Variants in COMMD10 observed in about 807,000 individuals in gnomAD.
COMMD10 encodes the protein COMM domain-containing protein 10.
Under a neutral mutation model 28.9 loss-of-function variants are expected in COMMD10, and 33 were observed. The ratio of observed to expected loss-of-function variants is 1.14; its 90% CI spans 0.87 to 1.53. The LOEUF (loss-of-function observed/expected upper bound fraction) is 1.53. Ranked by LOEUF, COMMD10 falls within the 40% of genes most tolerant of loss-of-function variation. The pLI, the probability that COMMD10 is intolerant of heterozygous loss-of-function variation, is 0.00. For missense variants in COMMD10, 310 were observed against 233.4 expected, an observed-to-expected ratio of 1.33 and a Z score of -2.14; for synonymous variants, 110 against 81.7, an observed-to-expected ratio of 1.35 and a Z score of -1.87.
chr5:116,158,164 C>CCCCT (rs1752788672), intron 5 of COMMD10, among the ~76,000 whole-genome samples: 1 of 111,488 alleles, frequency 9.0e-6, no homozygotes, highest in African/African-American at 3.6e-5. Flanking sequence ...CTCCCTCCCT[C>CCCCT]CTCTCCCTCC....
At chr5:116,237,839 A>G (rs1453482106) in intron 5 of COMMD10, among the ~76,000 whole-genome samples, 5 of 152,144 alleles carry the variant, frequency 3.3e-5, no homozygotes, top group African/African-American at 1.2e-4. Flanking sequence ...CTGTACTAAT[A>G]TCATCAACTC....
At chr5:116,263,867 C>T (rs913309279) in intron 5 of COMMD10, among the ~76,000 whole-genome samples, 6 of 151,688 alleles carry the variant, frequency 4.0e-5, no homozygotes, top group Non-Finnish European at 5.9e-5. Flanking sequence ...AAATGTACCC[C>T]GACCACCTTG....
chr5:116,284,322 TTGTATGTGTGTGTGTA>T (rs1418441371), intron 5 of COMMD10, among the ~76,000 whole-genome samples: 2 of 151,338 alleles, frequency 1.3e-5, no homozygotes, highest in Non-Finnish European at 2.9e-5. Flanking sequence ...ATCTAAAGGA[TTGTATGTGTGTGTGTA>T]TGTATGTGTG....
chr5:116,200,831 C>A (rs1580543474), intron 5 of COMMD10, among the ~76,000 whole-genome samples: 1 of 152,096 alleles, frequency 6.6e-6, no homozygotes, highest in South Asian at 2.1e-4. Context: ...GAGCCCTTAG[C>A]ATATTAATCA....
intron 5 of COMMD10, among the ~76,000 whole-genome samples, chr5:116,271,404 C>T (rs916778317): frequency 1.5e-4 from 22 of 149,854 alleles, no homozygotes; most frequent in African/African-American, 5.2e-4. Context: ...GTAAGCATCC[C>T]CAAATAGAAG....
intron 5 of COMMD10, among the ~76,000 whole-genome samples, chr5:116,264,166 C>T (rs909665225): frequency 6.6e-6 from 1 of 151,674 alleles, no homozygotes; most frequent in African/African-American, 2.4e-5. Context: ...TGTATAGGAG[C>T]CATCTGGCTC....
chr5:116,107,894 T>C (rs980089507), intron 4 of COMMD10, among the ~76,000 whole-genome samples: 1 of 152,252 alleles, frequency 6.6e-6, no homozygotes, highest in African/African-American at 2.4e-5. Context: ...TTGATGTTGA[T>C]ACTATTCCTT....
At chr5:116,187,279 A>G (rs1748170671) in intron 5 of COMMD10, among the ~76,000 whole-genome samples, 1 of 152,120 alleles carries the variant, frequency 6.6e-6, no homozygotes, top group African/African-American at 2.4e-5. Context: ...GTTTAGCTAA[A>G]ATGTGTGATA....
At position 116,176,675 on chromosome 5, in the gene COMMD10, G is replaced by A. The variant is rs1396002192; in HGVS notation, c.510+42497G>A. 3.9e-5 allele frequency among the ~76,000 whole-genome samples: 6 copies of A among 151,934 alleles called. No homozygotes were observed. The East Asian group carries it at 7.7e-4, about 20-fold the overall frequency. On this transcript the variant is annotated intron_variant, in intron 5 of 6. Transcript: ENST00000274458. ...TATAAGGTTGTACTCTTAATGGGTG[G>A]CTTACTTTCATTTTCTCATTTAATT...
At chr5:116,166,421 C>G (rs1231631785) in intron 5 of COMMD10, among the ~76,000 whole-genome samples, 1 of 152,070 alleles carries the variant, frequency 6.6e-6, no homozygotes, top group African/African-American at 2.4e-5. Flanking sequence ...TTATTTGCAC[C>G]ATGTAATGCA....
chr5:116,265,935 T>A (rs755393563), intron 5 of COMMD10, among the ~76,000 whole-genome samples: 1 of 151,662 alleles, frequency 6.6e-6, no homozygotes, highest in Non-Finnish European at 1.5e-5. Context: ...TAATACATAT[T>A]CAGAGAAAAA....
intron 4 of COMMD10, among the ~76,000 whole-genome samples, chr5:116,110,248 T>C (rs1025021200): frequency 6.6e-6 from 1 of 152,222 alleles, no homozygotes; most frequent in Non-Finnish European, 1.5e-5. Flanking sequence ...ATTATCTTTT[T>C]AATATGCTGT....
intron 4 of COMMD10, among the ~76,000 whole-genome samples, chr5:116,118,400 A>T (rs1159182118): frequency 2.0e-5 from 3 of 151,952 alleles, no homozygotes; most frequent in African/African-American, 4.8e-5. Context: ...TCTTTGGGAG[A>T]TAGTAGAGTG....
At chr5:116,097,537 CGG>C (rs1750508846) in intron 4 of COMMD10, among the ~76,000 whole-genome samples, 1 of 152,130 alleles carries the variant, frequency 6.6e-6, no homozygotes, top group African/African-American at 2.4e-5. Context: ...ATGTTAGCTG[CGG>C]AATTTTTCTG....
At chr5:116,134,651 C>T (rs980741277) in intron 5 of COMMD10, among the ~76,000 whole-genome samples, 1 of 152,178 alleles carries the variant, frequency 6.6e-6, no homozygotes, top group African/African-American at 2.4e-5. Flanking sequence ...GAGACGGTGT[C>T]TTGCTGTCGC....
intron 5 of COMMD10, among the ~76,000 whole-genome samples, chr5:116,149,438 T>C (rs1166095286): frequency 6.7e-6 from 1 of 148,484 alleles, no homozygotes; most frequent in Non-Finnish European, 1.5e-5. Flanking sequence ...CACACAGACT[T>C]CCACAATGGT....
intron 5 of COMMD10, among the ~76,000 whole-genome samples, chr5:116,271,581 C>CAGTTTT (rs1750758909): frequency 6.6e-6 from 1 of 151,642 alleles, no homozygotes; most frequent in African/African-American, 2.4e-5. Flanking sequence ...TACTCCTAAG[C>CAGTTTT]TACCAGTATG....
intron 1 of COMMD10, among the ~76,000 whole-genome samples, chr5:116,086,523 A>G (rs1487437353): frequency 1.3e-5 from 2 of 151,732 alleles, no homozygotes; most frequent in Non-Finnish European, 2.9e-5. Context: ...CAATGGCGCC[A>G]TCTCGGCTCA....
chr5:116,137,776 G>A (rs1253285718), intron 5 of COMMD10, among the ~76,000 whole-genome samples: 2 of 151,958 alleles, frequency 1.3e-5, no homozygotes, highest in East Asian at 3.9e-4. Context: ...GAACACTTCT[G>A]TCTCGAGGCT....
Sources: gnomAD v4.1 joint callset for allele counts (sites outside exome capture counted in the v4.1 genomes callset) on GRCh38, gnomAD v4.1.1 for gene constraint, MANE v1.5 for transcripts, NCBI Gene and HGNC (gene_info 2026-07-23, HGNC 2026-07-21) for gene names.